AKT3: variants seen among roughly 807,000 people sequenced by gnomAD.
The protein encoded by AKT3 is RAC-gamma serine/threonine-protein kinase.
AKT3 carries 15 observed loss-of-function variants against 65.3 expected under a neutral mutation model. That is an observed-to-expected ratio of 0.23 (90% CI 0.15 to 0.35). The LOEUF (loss-of-function observed/expected upper bound fraction) is 0.35, where lower values mean the gene tolerates loss of function less well. Ranked by LOEUF, AKT3 falls within the 10% of genes least tolerant of loss-of-function variation. AKT3 has a pLI of 1.00. For synonymous variants in AKT3, 206 were observed against 183.8 expected, an observed-to-expected ratio of 1.12 and a Z score of -0.98; for missense variants, 243 against 576.5, an observed-to-expected ratio of 0.42 and a Z score of 5.92.
intron 8 of AKT3, among the ~76,000 whole-genome samples, chr1:243,606,977 T>C (rs1677477068): frequency 2.6e-5 from 4 of 152,258 alleles, no homozygotes; most frequent in Non-Finnish European, 5.9e-5. Flanking sequence ...CCATGTGGTG[T>C]TGGTCCTGCT....
chr1:243,631,705 T>A lies in AKT3; in HGVS notation c.561+5906A>T, dbSNP rs114455924. Among the ~76,000 whole-genome samples, 778 of 152,364 alleles carry A rather than the reference T, an allele frequency of 5.1e-3. 9 individuals carry two copies. Among genetic ancestry groups the A allele is most frequent in the African/African-American group, 0.018 (738 of 41,584 alleles). ...ATCCACAGCACAACTTTCTTCACAA[T>A]CGGAGTCAATCCTTTCACAACCTGC... is the stretch of plus-strand genomic sequence containing the variant. On this transcript the variant is annotated intron_variant, in intron 6 of 13. Coordinates refer to ENST00000673466, the MANE Select transcript of AKT3 (RefSeq NM_005465.7).
intron 2 of AKT3, among the ~76,000 whole-genome samples, chr1:243,737,821 T>C (rs973326685): frequency 3.3e-5 from 5 of 152,192 alleles, no homozygotes; most frequent in African/African-American, 1.2e-4. Context: ...TCCCATCTAA[T>C]CTAGAATAAA....
intron 12 of AKT3, among the ~76,000 whole-genome samples, chr1:243,523,745 C>T (rs1472864061): frequency 1.3e-5 from 2 of 152,198 alleles, no homozygotes; most frequent in African/African-American, 2.4e-5. Context: ...AATACTTCTA[C>T]CACCTCTGAA....
chr1:243,750,248 T>C (rs1226646693), intron 2 of AKT3, among the ~76,000 whole-genome samples: 1 of 152,142 alleles, frequency 6.6e-6, no homozygotes, highest in Non-Finnish European at 1.5e-5. Flanking sequence ...AAATCATAAT[T>C]CACTGTCCCT....
chr1:243,769,527 C>A (rs1268772087), intron 2 of AKT3, among the ~76,000 whole-genome samples: 2 of 152,134 alleles, frequency 1.3e-5, no homozygotes, highest in African/African-American at 2.4e-5. Flanking sequence ...TTTTAATTTG[C>A]ACTTCTCTGA....
chr1:243,638,979 C>A (rs1680177844), intron 5 of AKT3, among the ~76,000 whole-genome samples: 1 of 151,976 alleles, frequency 6.6e-6, no homozygotes, highest in South Asian at 2.1e-4. Context: ...AATTGATAAG[C>A]CTCTGGCCAG....
At chr1:243,586,520 T>C (rs1044504470) in intron 8 of AKT3, among the ~76,000 whole-genome samples, 1 of 152,130 alleles carries the variant, frequency 6.6e-6, no homozygotes, top group Non-Finnish European at 1.5e-5. Context: ...TGTATATATA[T>C]ATATGCCATG....
At chr1:243,564,524 A>T (rs904637893) in intron 9 of AKT3, among the ~76,000 whole-genome samples, 7 of 152,214 alleles carry the variant, frequency 4.6e-5, no homozygotes, top group African/African-American at 1.7e-4. Context: ...TTAAAGATTT[A>T]ACCAAGTAAC....
intron 3 of AKT3, among the ~76,000 whole-genome samples, chr1:243,693,341 A>T (rs1168744263): frequency 1.4e-5 from 2 of 141,598 alleles, no homozygotes; most frequent in African/African-American, 5.2e-5. Context: ...TTATCTTTTT[A>T]AAAATGTACT....
At chr1:243,655,152 T>C (rs1681667127) in intron 4 of AKT3, among the ~76,000 whole-genome samples, 1 of 152,156 alleles carries the variant, frequency 6.6e-6, no homozygotes, top group South Asian at 2.1e-4. Flanking sequence ...TGTTTCACTA[T>C]AAACGTTCTG....
intron 13 of AKT3, chr1:243,488,958 G>T: frequency 6.2e-7 from 1 of 1,612,372 alleles, no homozygotes; most frequent in Non-Finnish European, 8.5e-7. Context: ...CAGCCCCTGG[G>T]CCTGTTGAAA....
chr1:243,539,730 A>G (rs1216155696), intron 12 of AKT3, among the ~76,000 whole-genome samples: 1 of 152,244 alleles, frequency 6.6e-6, no homozygotes, highest in African/African-American at 2.4e-5. Flanking sequence ...CAACACACTT[A>G]CAAATAACCC....
At chr1:243,597,893 C>CT (rs550594751) in intron 8 of AKT3, among the ~76,000 whole-genome samples, 1 of 152,188 alleles carries the variant, frequency 6.6e-6, no homozygotes, top group African/African-American at 2.4e-5. Context: ...TCAATAAGAA[C>CT]TTTTTTGACA....
intron 9 of AKT3, among the ~76,000 whole-genome samples, chr1:243,568,797 A>C (rs1443711229): frequency 6.6e-6 from 1 of 152,188 alleles, no homozygotes; most frequent in Non-Finnish European, 1.5e-5. Context: ...GCCAGAACTC[A>C]CTGGCCTGGA....
chr1:243,819,696 G>A (rs1442650412), intron 2 of AKT3, among the ~76,000 whole-genome samples: 1 of 152,060 alleles, frequency 6.6e-6, no homozygotes, highest in African/African-American at 2.4e-5. Flanking sequence ...GACTGAGAGA[G>A]ACCCCCCCAA....
intron 2 of AKT3, among the ~76,000 whole-genome samples, chr1:243,788,243 C>T (rs889378690): frequency 1.6e-4 from 24 of 152,164 alleles, no homozygotes; most frequent in African/African-American, 5.8e-4. Flanking sequence ...TGGAACAAAA[C>T]ATAGGAAAAA....
intron 10 of AKT3, among the ~76,000 whole-genome samples, chr1:243,560,055 A>C (rs1328482522): frequency 6.6e-6 from 1 of 152,022 alleles, no homozygotes; most frequent in Non-Finnish European, 1.5e-5. Context: ...ATCAAATCTA[A>C]AACTGTTACA....
At chr1:243,584,125 T>A (rs1479353447) in intron 8 of AKT3, among the ~76,000 whole-genome samples, 1 of 151,978 alleles carries the variant, frequency 6.6e-6, no homozygotes, top group East Asian at 1.9e-4. Flanking sequence ...CAATTAGAAA[T>A]GACAAAGATT....
intron 5 of AKT3, among the ~76,000 whole-genome samples, chr1:243,643,761 C>T (rs540146397): frequency 1.3e-5 from 2 of 152,198 alleles, no homozygotes; most frequent in African/African-American, 4.8e-5. Flanking sequence ...TCTTTTAATC[C>T]TATTGCCATT....
Sources: gnomAD v4.1 joint callset for allele counts (sites outside exome capture counted in the v4.1 genomes callset) on GRCh38, gnomAD v4.1.1 for gene constraint, MANE v1.5 for transcripts, NCBI Gene and HGNC (gene_info 2026-07-23, HGNC 2026-07-21) for gene names.